Variants in PDE8B observed in about 807,000 individuals in gnomAD.
PDE8B encodes the protein high affinity cAMP-specific and IBMX-insensitive 3',5'-cyclic phosphodiesterase 8B.
In PDE8B, 26 loss-of-function variants were observed where a neutral mutation model predicts 101.3. The ratio of observed to expected loss-of-function variants is 0.26; its 90% confidence interval spans 0.19 to 0.36. The LOEUF is 0.36. PDE8B is among the 10% of genes least tolerant of loss of function. The pLI, the probability that PDE8B is intolerant of heterozygous loss-of-function variation, is 1.00. For synonymous variants in PDE8B, 424 were observed against 429.3 expected (o/e 0.99, Z 0.15); for missense variants, 810 against 1,163.1 (o/e 0.70, Z 4.42).
chr5:77,336,497 C>T (rs1778228668), intron 5 of PDE8B, among the ~76,000 whole-genome samples: 1 of 152,136 alleles, frequency 6.6e-6, no homozygotes, highest in African/African-American at 2.4e-5. Context: ...ATTTTTCTGT[C>T]TGGATTCTTT....
chr5:77,292,840 AAT>A (rs1161828400), intron 1 of PDE8B, among the ~76,000 whole-genome samples: 1 of 152,092 alleles, frequency 6.6e-6, no homozygotes, highest in Non-Finnish European at 1.5e-5. Flanking sequence ...TATGCTTTTT[AAT>A]ATGTTTTTCT....
intron 5 of PDE8B, among the ~76,000 whole-genome samples, chr5:77,336,134 T>C (rs900297827): frequency 1.3e-5 from 2 of 152,200 alleles, no homozygotes; most frequent in Non-Finnish European, 2.9e-5. Flanking sequence ...TTCTTCTATG[T>C]TATTATTTGC....
At chr5:77,304,670 A>T (rs540287954) in intron 1 of PDE8B, among the ~76,000 whole-genome samples, 54 of 152,336 alleles carry the variant, frequency 3.5e-4, no homozygotes, top group Non-Finnish European at 6.9e-4. Context: ...AGGGCATAAA[A>T]CATAAAAGTA....
intron 1 of PDE8B, among the ~76,000 whole-genome samples, chr5:77,257,483 T>C (rs1289915837): frequency 6.6e-6 from 1 of 152,186 alleles, no homozygotes; most frequent in East Asian, 1.9e-4. Flanking sequence ...ATAAGTATTA[T>C]CATTTTATAA....
the PDE8B span, among the ~76,000 whole-genome samples, chr5:77,096,912 C>G: frequency 6.6e-6 from 1 of 152,198 alleles, no homozygotes; most frequent in Non-Finnish European, 1.5e-5. Context: ...GTCACACTCA[C>G]AAGTACCCAG....
chr5:77,148,678 T>C, the PDE8B span: 1 of 152,372 alleles, frequency 6.6e-6, no homozygotes, highest in Non-Finnish European at 1.5e-5. Context: ...ATGTACATTC[T>C]TTAGTGAAAT....
chr5:77,241,515 C>A (rs747514453), intron 1 of PDE8B, among the ~76,000 whole-genome samples: 4 of 152,176 alleles, frequency 2.6e-5, no homozygotes, highest in Non-Finnish European at 5.9e-5. Context: ...ATGTGCATTA[C>A]CTCACTGAAT....
At chr5:77,100,304 A>G in the PDE8B span, 3 of 152,178 alleles carry the variant, frequency 2.0e-5, no homozygotes, top group Admixed American at 6.5e-5. Flanking sequence ...CGCATTTGCA[A>G]TTTCTGTTAA....
At chr5:77,244,203 G>A (rs1756394078) in intron 1 of PDE8B, among the ~76,000 whole-genome samples, 1 of 152,106 alleles carries the variant, frequency 6.6e-6, no homozygotes, top group Non-Finnish European at 1.5e-5. Flanking sequence ...GACTTAGCTT[G>A]GGGGTGGGGT....
At chr5:77,113,286 A>G in the PDE8B span, 2 of 152,254 alleles carry the variant, frequency 1.3e-5, no homozygotes, top group Non-Finnish European at 2.9e-5. Context: ...ACAGTAACCA[A>G]AAGAGCATGG....
chr5:77,243,174 T>G (rs988153528), intron 1 of PDE8B, among the ~76,000 whole-genome samples: 4 of 152,180 alleles, frequency 2.6e-5, no homozygotes, highest in Non-Finnish European at 4.4e-5. Context: ...TGAGCCTAAC[T>G]TTTTTGGAGT....
At chr5:77,387,641 G>A (rs1789013211) in intron 10 of PDE8B, among the ~76,000 whole-genome samples, 1 of 149,478 alleles carries the variant, frequency 6.7e-6, no homozygotes, top group Admixed American at 6.6e-5. Flanking sequence ...GGTTGGGGAA[G>A]TTCTCCTGGA....
the PDE8B span, chr5:77,139,539 T>C: frequency 6.6e-6 from 1 of 152,236 alleles, no homozygotes; most frequent in African/African-American, 2.4e-5. Flanking sequence ...TCACTTCAAA[T>C]ATTACTTCTT....
At position 77,275,142 on chromosome 5, in the gene PDE8B, C is replaced by G. The variant is rs569587161; in HGVS notation, c.340-36852C>G. Among the ~76,000 whole-genome samples the G allele has an allele frequency of 7.9e-5, 12 of 152,228 alleles. No homozygotes were observed. The South Asian group carries it at 2.3e-3, about 29-fold the overall frequency. ...TGGGAGGCTGAAGCAGGAGGATCAC[C>G]TGAGTTCAGGATTTGTGACCAGCCT... On this transcript the variant is annotated intron_variant, in intron 1 of 21. Coordinates refer to ENST00000264917, the MANE Select transcript of PDE8B (RefSeq NM_003719.5).
At chr5:77,409,203 TTATG>T in intron 14 of PDE8B, 146 bp downstream of exon 14, 1 of 718,318 alleles carries the variant, frequency 1.4e-6, no homozygotes, top group Non-Finnish European at 2.5e-6. Context: ...GCGTCAGAAT[TTATG>T]TATAACATGT....
chr5:77,260,791 A>T (rs1229116299), intron 1 of PDE8B, among the ~76,000 whole-genome samples: 4 of 151,828 alleles, frequency 2.6e-5, no homozygotes, highest in Admixed American at 2.6e-4. Context: ...ATGGAGTTTC[A>T]CCATGTTGGC....
At chr5:77,414,721 C>T (rs558027447) in intron 17 of PDE8B, among the ~76,000 whole-genome samples, 3 of 151,974 alleles carry the variant, frequency 2.0e-5, no homozygotes, top group African/African-American at 4.8e-5. Flanking sequence ...TGAGCCACTG[C>T]GCCCGGCCTA....
chr5:77,117,805 G>A, the PDE8B span, among the ~76,000 whole-genome samples: 4 of 152,158 alleles, frequency 2.6e-5, no homozygotes, highest in Admixed American at 2.0e-4. Context: ...ATTGAAATAT[G>A]CATCCATTCG....
intron 8 of PDE8B, 23 bp from the exon 9 acceptor site, chr5:77,351,042 A>C: frequency 6.4e-7 from 1 of 1,571,980 alleles, no homozygotes; most frequent in South Asian, 1.1e-5. Context: ...GAAGGATTTT[A>C]AGAGCTCTCT....
Sources: gnomAD v4.1 joint callset for allele counts (sites outside exome capture counted in the v4.1 genomes callset) on GRCh38, gnomAD v4.1.1 for gene constraint, MANE v1.5 for transcripts, NCBI Gene and HGNC (gene_info 2026-07-23, HGNC 2026-07-21) for gene names.